Variants in CNOT6 observed in about 807,000 individuals in gnomAD.
CNOT6 encodes CCR4-NOT transcription complex subunit 6.
A neutral mutation model predicts 61.2 loss-of-function variants in CNOT6; 12 were observed. The observed-to-expected ratio is 0.20, with a 90% CI of 0.13 to 0.32. The LOEUF is 0.32. CNOT6 is among the 10% of genes least tolerant of loss of function. The pLI, the probability that CNOT6 is intolerant of heterozygous loss-of-function variation, is 1.00. For synonymous variants in CNOT6, 225 were observed against 240.6 expected (o/e 0.94, Z 0.60); for missense variants, 405 against 663.9 (o/e 0.61, Z 4.28).
At chr5:180,527,387 A>G (rs1015179934) in intron 1 of CNOT6, among the ~76,000 whole-genome samples, 3 of 152,152 alleles carry the variant, frequency 2.0e-5, no homozygotes, top group Non-Finnish European at 4.4e-5. Flanking sequence ...GAACTTCTGT[A>G]TTCTGCGTCT....
intron 1 of CNOT6, among the ~76,000 whole-genome samples, chr5:180,507,102 T>A (rs1188940659): frequency 6.6e-6 from 1 of 152,180 alleles, no homozygotes; most frequent in South Asian, 2.1e-4. Flanking sequence ...ATTTGAAGGA[T>A]GACTAGGGGC....
At chr5:180,569,986 C>T (rs1224011655) in intron 10 of CNOT6, among the ~76,000 whole-genome samples, 3 of 152,130 alleles carry the variant, frequency 2.0e-5, no homozygotes, top group East Asian at 1.9e-4. Flanking sequence ...CTTCCTTGGA[C>T]GTGAATGTAC....
intron 1 of CNOT6, among the ~76,000 whole-genome samples, chr5:180,516,637 A>G (rs1281475492): frequency 1.3e-5 from 2 of 152,248 alleles, no homozygotes; most frequent in Admixed American, 6.5e-5. Context: ...TGGTCAGAGT[A>G]ACATCACGCA....
At chr5:180,568,997 T>A in intron 9 of CNOT6, 113 bp from the exon 10 acceptor site, 1 of 741,002 alleles carries the variant, frequency 1.3e-6, no homozygotes, top group South Asian at 1.9e-5. Context: ...GAATTTTAGG[T>A]GTCTTTTCTA....
At chr5:180,554,432 AAGG>A (rs1759775797) in intron 4 of CNOT6, among the ~76,000 whole-genome samples, 1 of 151,656 alleles carries the variant, frequency 6.6e-6, no homozygotes, top group South Asian at 2.1e-4. Flanking sequence ...AAAAAAAAAA[AAGG>A]AATTGCACTC....
At chr5:180,560,827 G>A (rs188194822) in intron 4 of CNOT6, among the ~76,000 whole-genome samples, 31 of 152,170 alleles carry the variant, frequency 2.0e-4, no homozygotes, top group Admixed American at 1.3e-4. Context: ...CCTGTCCTCC[G>A]TGTCCTCAGC....
At chr5:180,541,853 T>C (rs1759064548) in intron 2 of CNOT6, among the ~76,000 whole-genome samples, 1 of 151,588 alleles carries the variant, frequency 6.6e-6, no homozygotes, top group Non-Finnish European at 1.5e-5. Flanking sequence ...CAGAGAAATT[T>C]TTTTAGCAGA....
At chr5:180,498,825 T>C (rs925636629) in intron 1 of CNOT6, among the ~76,000 whole-genome samples, 3 of 152,222 alleles carry the variant, frequency 2.0e-5, no homozygotes, top group Admixed American at 6.5e-5. Context: ...TTTTCTGAGA[T>C]GAAGGCTCAC....
At chr5:180,505,773 C>T (rs572230144) in intron 1 of CNOT6, among the ~76,000 whole-genome samples, 36 of 152,106 alleles carry the variant, frequency 2.4e-4, no homozygotes, top group Non-Finnish European at 4.1e-4. Context: ...TAGTGTTGAT[C>T]TCCTGACCTT....
intron 2 of CNOT6, among the ~76,000 whole-genome samples, chr5:180,540,509 A>C (rs2617261): frequency 0.25 from 37,354 of 151,992 alleles, 5,299 homozygotes; most frequent in East Asian, 0.5. Flanking sequence ...TCTATTTTTC[A>C]CTTTCACTAC....
chr5:180,553,364 C>A (rs1238561898), intron 3 of CNOT6, 22 bp from the exon 4 acceptor site: 1 of 1,577,550 alleles, frequency 6.3e-7, no homozygotes, highest in African/African-American at 1.4e-5. Flanking sequence ...TTTCTGACTT[C>A]CTGGAATTTT....
intron 1 of CNOT6, among the ~76,000 whole-genome samples, chr5:180,524,813 G>C (rs1430127407): frequency 6.6e-6 from 1 of 152,200 alleles, no homozygotes; most frequent in Non-Finnish European, 1.5e-5. Context: ...CAGCTGGTCA[G>C]AGCAATTTCT....
chr5:180,572,320 G>GC (rs1478765983), intron 11 of CNOT6, among the ~76,000 whole-genome samples: 1 of 152,024 alleles, frequency 6.6e-6, no homozygotes, highest in African/African-American at 2.4e-5. Context: ...CTCCCAAGTA[G>GC]CTGGGATTAC....
intron 1 of CNOT6, among the ~76,000 whole-genome samples, chr5:180,496,946 G>A (rs1756637439): frequency 6.6e-6 from 1 of 152,238 alleles, no homozygotes; most frequent in African/African-American, 2.4e-5. Flanking sequence ...CTTTTGAGCA[G>A]ACATAAGGTT....
chr5:180,567,035 AT>A, intron 7 of CNOT6, 52 bp from the exon 8 acceptor site: 1 of 1,502,888 alleles, frequency 6.7e-7, no homozygotes, highest in Non-Finnish European at 9.0e-7. Flanking sequence ...AGAAGTTAAT[AT>A]GCAGACTAAT....
At position 180,569,192 on chromosome 5, in the gene CNOT6, T is replaced by C; in HGVS notation, c.1110T>C (p.Asp370=). The change falls in exon 10 of 12, where the codon GAT becomes GAC. Residue 370 remains aspartate, a synonymous_variant. Coordinates refer to ENST00000261951, the MANE Select transcript of CNOT6 (RefSeq NM_001370472.1). ...TGCATTGGGACCCTGAATACTCTGA[T>C]GTGAAGTTGGTACAAACTATGATGT... The part of the protein sequence containing the change: ...AHMHWDPEYS[D]VKLVQTMMFL... The C allele has an allele frequency of 6.2e-7, 1 of 1,614,220 alleles. No individual in the cohort carries two copies.
At chr5:180,502,966 A>G (rs894689129) in intron 1 of CNOT6, among the ~76,000 whole-genome samples, 1 of 152,228 alleles carries the variant, frequency 6.6e-6, no homozygotes, top group African/African-American at 2.4e-5. Flanking sequence ...TAAAATTATG[A>G]CAATGATAAC....
chr5:180,519,279 G>A (rs971261342), intron 1 of CNOT6, among the ~76,000 whole-genome samples: 2 of 152,236 alleles, frequency 1.3e-5, no homozygotes, highest in Non-Finnish European at 2.9e-5. Context: ...TCAGGCAATT[G>A]TGCAAGCAGG....
intron 2 of CNOT6, among the ~76,000 whole-genome samples, chr5:180,548,695 T>C (rs1204155989): frequency 2.0e-5 from 3 of 152,218 alleles, no homozygotes; most frequent in Non-Finnish European, 4.4e-5. Context: ...TCTTAGAAAT[T>C]TGCTGATTCA....
Sources: allele counts gnomAD v4.1 joint callset (sites outside exome capture counted in the v4.1 genomes callset), GRCh38; gene constraint gnomAD v4.1.1; transcripts MANE v1.5; gene names NCBI Gene and HGNC (gene_info 2026-07-23, HGNC 2026-07-21).